The following LIPA variants were observed in gnomAD, a reference collection of about 807,000 sequenced individuals.
The protein encoded by LIPA is lysosomal acid lipase/cholesteryl ester hydrolase.
Under a neutral mutation model 40.6 loss-of-function variants are expected in LIPA, and 26 were observed. The ratio of observed to expected loss-of-function variants is 0.64; its 90% CI spans 0.47 to 0.89. The LOEUF is 0.89. Among genes scored for constraint, LIPA ranks in the 40% least tolerant of loss-of-function variants. LIPA has a pLI of 0.00. For missense variants in LIPA, 455 were observed against 479.6 expected (o/e 0.95, Z 0.48); for synonymous variants, 188 against 168.4 (o/e 1.12, Z -0.90).
At chr10:89,305,837 AGAAGG>A in intron 1 of LIPA, 1 of 694,674 alleles carries the variant, frequency 1.4e-6, no homozygotes, top group Non-Finnish European at 2.5e-6. Context: ...TAGAAAGAAA[AGAAGG>A]GGAGTTTCTT....
upstream of LIPA, among the ~76,000 whole-genome samples, chr10:89,254,734 C>T (rs776877536): frequency 1.1e-4 from 16 of 152,174 alleles, no homozygotes; most frequent in East Asian, 5.8e-4. Flanking sequence ...CCTTTTAAAA[C>T]TGAATTCTTT....
chr10:89,320,736 C>T (rs567872153), intron 1 of LIPA, among the ~76,000 whole-genome samples: 10 of 152,160 alleles, frequency 6.6e-5, no homozygotes, highest in Non-Finnish European at 1.5e-4. Context: ...TCATATGGAA[C>T]CAAAATAGAG....
chr10:89,398,704 GA>G (rs1844380102), intron 2 of LIPA, among the ~76,000 whole-genome samples: 14 of 152,156 alleles, frequency 9.2e-5, no homozygotes, highest in Admixed American at 9.2e-4. Flanking sequence ...ACATGTATCA[GA>G]ATGTCTTTTC....
intron 1 of LIPA, among the ~76,000 whole-genome samples, chr10:89,285,928 T>C (rs980155214): frequency 4.6e-5 from 7 of 151,660 alleles, no homozygotes; most frequent in African/African-American, 1.7e-4. Context: ...CCACCCTCCA[T>C]TCCTCCTTCT....
At chr10:89,346,506 A>G (rs924201093), upstream of LIPA, among the ~76,000 whole-genome samples, 1 of 152,322 alleles carries the variant, frequency 6.6e-6, no homozygotes, top group Non-Finnish European at 1.5e-5. Context: ...TCTCTTTGCC[A>G]TGGTCCCTTT....
chr10:89,378,454 C>T (rs1228053600), intron 2 of LIPA, among the ~76,000 whole-genome samples: 1 of 152,078 alleles, frequency 6.6e-6, no homozygotes, highest in Non-Finnish European at 1.5e-5. Context: ...GAGGAGAGAA[C>T]CAGACCCAAG....
chr10:89,313,624 G>A (rs943116104), intron 1 of LIPA, among the ~76,000 whole-genome samples: 2 of 152,088 alleles, frequency 1.3e-5, no homozygotes, highest in African/African-American at 4.8e-5. Context: ...TATTCATGAT[G>A]GCCAAAAAGT....
At chr10:89,236,340 T>C (rs1842904407) in intron 3 of LIPA, among the ~76,000 whole-genome samples, 1 of 151,664 alleles carries the variant, frequency 6.6e-6, no homozygotes, top group African/African-American at 2.4e-5. Context: ...TGCTCAAGTA[T>C]TGTAAATATC....
chr10:89,300,720 C>T (rs766104130), intron 1 of LIPA, among the ~76,000 whole-genome samples: 15 of 151,974 alleles, frequency 9.9e-5, no homozygotes, highest in Admixed American at 2.0e-4. Context: ...GGCGTGGTGG[C>T]TCACGCCTGT....
chr10:89,228,345 A>T lies in LIPA; in HGVS notation c.283T>A (p.Trp95Arg), dbSNP rs1554866097. The change falls in exon 4 of 10, where the codon TGG (tryptophan) becomes AGG (arginine). Residue 95 changes from tryptophan to arginine, a missense_variant. Coordinates refer to ENST00000336233, the MANE Select transcript of LIPA (RefSeq NM_000235.4). ...QHGLLADSSN[W>R]VTNLANSSLG... The stretch of plus-strand genomic sequence containing the variant: ...CTGCTGTTGGCAAGGTTTGTGACCC[A>T]GTTACTAGAATCTGCCAGCAAGCCA... 2 of 1,614,240 alleles carry T rather than the reference A, an allele frequency of 1.2e-6. No individual in the cohort carries two copies. Among genetic ancestry groups the T allele is most frequent in the Non-Finnish European group, 1.7e-6 (2 of 1,180,044 alleles).
At chr10:89,368,007 T>C (rs1020333354) in intron 2 of LIPA, among the ~76,000 whole-genome samples, 1 of 152,104 alleles carries the variant, frequency 6.6e-6, no homozygotes, top group Non-Finnish European at 1.5e-5. Flanking sequence ...TAATTTTTTG[T>C]AGAGTTAGGT....
chr10:89,297,092 T>C (rs1442467505), intron 1 of LIPA, among the ~76,000 whole-genome samples: 2 of 152,144 alleles, frequency 1.3e-5, no homozygotes, highest in Admixed American at 6.5e-5. Flanking sequence ...AGAGAAGTCA[T>C]GGGAAACACC....
chr10:89,389,921 C>T (rs1844233604), intron 2 of LIPA, among the ~76,000 whole-genome samples: 1 of 151,620 alleles, frequency 6.6e-6, no homozygotes, highest in South Asian at 2.1e-4. Flanking sequence ...AATTGAGGCC[C>T]TGGTTCCCGG....
intron 1 of LIPA, among the ~76,000 whole-genome samples, chr10:89,304,542 G>C (rs1242355025): frequency 6.6e-6 from 1 of 152,040 alleles, no homozygotes; most frequent in African/African-American, 2.4e-5. Context: ...GGTTGTATAA[G>C]AAGCCATACT....
At chr10:89,260,015 C>T (rs1426119995) in intron 1 of LIPA, among the ~76,000 whole-genome samples, 1 of 152,106 alleles carries the variant, frequency 6.6e-6, no homozygotes, top group Non-Finnish European at 1.5e-5. Context: ...TCAAAATGTA[C>T]AATTTAAATA....
At chr10:89,298,359 T>A (rs965621350) in intron 1 of LIPA, among the ~76,000 whole-genome samples, 2 of 152,214 alleles carry the variant, frequency 1.3e-5, no homozygotes, top group African/African-American at 4.8e-5. Context: ...AATGTCACGA[T>A]AGCCTCCAAG....
upstream of LIPA, among the ~76,000 whole-genome samples, chr10:89,346,978 T>C (rs1432970659): frequency 6.6e-6 from 1 of 152,240 alleles, no homozygotes; most frequent in East Asian, 1.9e-4. Flanking sequence ...TATATTCTAA[T>C]AGCCTGCTGC....
chr10:89,310,294 G>A (rs10887942), intron 1 of LIPA, among the ~76,000 whole-genome samples: 32,623 of 151,994 alleles, frequency 0.21, 4,376 homozygotes, highest in East Asian at 0.63. Flanking sequence ...CTGACCTTGA[G>A]TCATGCTGCA....
intron 1 of LIPA, among the ~76,000 whole-genome samples, chr10:89,321,986 G>A (rs569043156): frequency 2.6e-5 from 4 of 151,994 alleles, no homozygotes; most frequent in African/African-American, 4.8e-5. Flanking sequence ...ACCAAACACC[G>A]CATGTTCTCA....
Sources: gnomAD v4.1 joint callset for allele counts (sites outside exome capture counted in the v4.1 genomes callset) on GRCh38, gnomAD v4.1.1 for gene constraint, MANE v1.5 for transcripts, NCBI Gene and HGNC (gene_info 2026-07-23, HGNC 2026-07-21) for gene names.